Variants in CSMD1 observed in about 807,000 individuals in gnomAD.
CSMD1 encodes the protein CUB and sushi domain-containing protein 1.
In CSMD1, 213 loss-of-function variants were observed where a neutral mutation model predicts 417.5. That is an observed-to-expected ratio of 0.51 (90% CI 0.46 to 0.57). The LOEUF (loss-of-function observed/expected upper bound fraction) is 0.57, where lower values mean the gene tolerates loss of function less well. Ranked by LOEUF, CSMD1 falls within the 20% of genes least tolerant of loss-of-function variation. CSMD1 has a pLI of 0.00. For missense variants in CSMD1, 6,923 were observed against 4,529.7 expected, an observed-to-expected ratio of 1.53 and a Z score of -15.17; for synonymous variants, 2,862 against 1,736.8, an observed-to-expected ratio of 1.65 and a Z score of -16.11.
At chr8:4,302,089 T>A (rs1229476831) in intron 3 of CSMD1, among the ~76,000 whole-genome samples, 1 of 152,204 alleles carries the variant, frequency 6.6e-6, no homozygotes, top group Admixed American at 6.5e-5. Context: ...AGACCCCTTG[T>A]ATAGTTCATC....
At chr8:4,099,461 C>T (rs1293026548) in intron 3 of CSMD1, among the ~76,000 whole-genome samples, 1 of 152,078 alleles carries the variant, frequency 6.6e-6, no homozygotes, top group African/African-American at 2.4e-5. Flanking sequence ...CCTAAGCCTC[C>T]AACAATCATC....
chr8:3,826,592 C>A (rs575401632), intron 5 of CSMD1, among the ~76,000 whole-genome samples: 1 of 152,200 alleles, frequency 6.6e-6, no homozygotes, highest in African/African-American at 2.4e-5. Flanking sequence ...ACTGGCCCAG[C>A]CCAGCTTTCC....
rs192535028 is a variant in CSMD1 at position 3,851,863 on chromosome 8, C to A, written c.819-97821G>T. On this transcript the variant is annotated intron_variant, in intron 5 of 69. Transcript: ENST00000635120. Reference sequence around the variant, plus strand: ...AGGGTCGGGTGGGAGCAGACATGGCCATGCAAAGCCAGTGGGCTCCATGGA... The same window carrying A: ...AGGGTCGGGTGGGAGCAGACATGGCAATGCAAAGCCAGTGGGCTCCATGGA... 3.1e-4 allele frequency among the ~76,000 whole-genome samples: 47 copies of A among 152,134 alleles called. 1 individual carries two copies. The East Asian group carries it at 7.4e-3, about 24-fold the overall frequency.
chr8:4,105,510 T>G (rs925946825), intron 3 of CSMD1, among the ~76,000 whole-genome samples: 2 of 152,236 alleles, frequency 1.3e-5, no homozygotes, highest in Non-Finnish European at 1.5e-5. Flanking sequence ...GTTCTAGGCT[T>G]CATTAAGCTT....
intron 10 of CSMD1, among the ~76,000 whole-genome samples, chr8:3,513,528 T>C (rs891294587): frequency 6.6e-6 from 1 of 152,104 alleles, no homozygotes. Context: ...TAAAATCCTC[T>C]TTATATATAC....
chr8:4,478,397 G>C (rs1197328669), intron 2 of CSMD1, among the ~76,000 whole-genome samples: 1 of 152,076 alleles, frequency 6.6e-6, no homozygotes, highest in Non-Finnish European at 1.5e-5. Flanking sequence ...CCAAAGTATT[G>C]AAATACTTTG....
At chr8:3,138,589 A>C (rs1042958016) in intron 41 of CSMD1, among the ~76,000 whole-genome samples, 21 of 152,224 alleles carry the variant, frequency 1.4e-4, no homozygotes, top group African/African-American at 4.6e-4. Flanking sequence ...CGGAGTACTC[A>C]GACATTGCCT....
intron 2 of CSMD1, among the ~76,000 whole-genome samples, chr8:4,504,736 G>A (rs1327376754): frequency 1.3e-5 from 2 of 152,002 alleles, no homozygotes; most frequent in African/African-American, 2.4e-5. Flanking sequence ...TGTGATGTTT[G>A]GTTTTCTGTT....
chr8:4,150,968 C>G (rs1796543776), intron 3 of CSMD1, among the ~76,000 whole-genome samples: 1 of 152,142 alleles, frequency 6.6e-6, no homozygotes, highest in African/African-American at 2.4e-5. Flanking sequence ...TAAAAGTCTT[C>G]CAGATACAGG....
intron 23 of CSMD1, among the ~76,000 whole-genome samples, chr8:3,318,925 C>G (rs1805964502): frequency 6.6e-6 from 1 of 152,130 alleles, no homozygotes; most frequent in African/African-American, 2.4e-5. Context: ...CTGCTTTCAG[C>G]TTTACAAATA....
At chr8:3,431,065 A>C (rs1814190601) in intron 12 of CSMD1, among the ~76,000 whole-genome samples, 1 of 152,154 alleles carries the variant, frequency 6.6e-6, no homozygotes, top group South Asian at 2.1e-4. Flanking sequence ...TGGGAAATGC[A>C]GTTTCCAGGC....
chr8:3,827,767 G>T (rs1268298125), intron 5 of CSMD1, among the ~76,000 whole-genome samples: 1 of 152,126 alleles, frequency 6.6e-6, no homozygotes, highest in East Asian at 1.9e-4. Context: ...ATAGTTGATT[G>T]GGAAAAGACT....
At chr8:3,496,285 T>A (rs1024047001) in intron 10 of CSMD1, among the ~76,000 whole-genome samples, 4 of 152,168 alleles carry the variant, frequency 2.6e-5, no homozygotes, top group African/African-American at 9.7e-5. Flanking sequence ...ATCCCCTTCA[T>A]AACATTCCCT....
chr8:3,218,669 C>A (rs980147954), intron 29 of CSMD1, among the ~76,000 whole-genome samples: 9 of 151,812 alleles, frequency 5.9e-5, no homozygotes, highest in African/African-American at 1.9e-4. Context: ...GTCAGGAGAT[C>A]GAGACCAGCC....
At chr8:3,121,861 G>A (rs570909041) in intron 41 of CSMD1, among the ~76,000 whole-genome samples, 2 of 152,188 alleles carry the variant, frequency 1.3e-5, no homozygotes, top group African/African-American at 2.4e-5. Context: ...TAATTAACAA[G>A]ATCAGTGTGA....
At chr8:4,209,880 G>T (rs1472133486) in intron 3 of CSMD1, among the ~76,000 whole-genome samples, 1 of 152,182 alleles carries the variant, frequency 6.6e-6, no homozygotes, top group Non-Finnish European at 1.5e-5. Context: ...AATGTAGGTG[G>T]TAACTTCTGT....
intron 1 of CSMD1, among the ~76,000 whole-genome samples, chr8:4,882,677 C>T (rs1170734809): frequency 6.6e-6 from 1 of 151,870 alleles, no homozygotes; most frequent in Non-Finnish European, 1.5e-5. Context: ...CAAATTATTC[C>T]ATTTGATGTG....
At chr8:3,632,952 A>G (rs939716575) in intron 7 of CSMD1, among the ~76,000 whole-genome samples, 2 of 152,240 alleles carry the variant, frequency 1.3e-5, no homozygotes, top group Non-Finnish European at 2.9e-5. Flanking sequence ...AGAAGTATAA[A>G]TTACACTTTA....
chr8:4,521,651 C>A (rs1248916971), intron 2 of CSMD1, among the ~76,000 whole-genome samples: 1 of 152,058 alleles, frequency 6.6e-6, no homozygotes, highest in Non-Finnish European at 1.5e-5. Flanking sequence ...AAAAAGGTGG[C>A]CCTCAGGTCC....
Sources: allele counts gnomAD v4.1 joint callset (sites outside exome capture counted in the v4.1 genomes callset), GRCh38; gene constraint gnomAD v4.1.1; transcripts MANE v1.5; gene names NCBI Gene and HGNC (gene_info 2026-07-23, HGNC 2026-07-21).